Variants in ASIC2 observed in about 807,000 individuals in gnomAD.
ASIC2 encodes the protein acid-sensing ion channel 2.
A neutral mutation model predicts 57.3 loss-of-function variants in ASIC2; 25 were observed. The ratio of observed to expected loss-of-function variants is 0.44; its 90% CI spans 0.32 to 0.61. The LOEUF (loss-of-function observed/expected upper bound fraction) is 0.61. Among genes scored for constraint, ASIC2 ranks in the 20% least tolerant of loss-of-function variants. The pLI, the probability that ASIC2 is intolerant of heterozygous loss-of-function variation, is 0.06. For synonymous variants in ASIC2, 319 were observed against 307.5 expected (o/e 1.04, Z -0.39); for missense variants, 641 against 738.1 (o/e 0.87, Z 1.52).
chr17:33,243,738 T>G (rs139042631), intron 1 of ASIC2, among the ~76,000 whole-genome samples: 2 of 152,352 alleles, frequency 1.3e-5, no homozygotes, highest in East Asian at 1.9e-4. Context: ...TAGGGCTTTT[T>G]TTCACTTAAA....
intron 1 of ASIC2, among the ~76,000 whole-genome samples, chr17:33,799,476 TTCCTTCTTTCTTTCTTTCTTA>T (rs1912062161): frequency 6.9e-6 from 1 of 143,924 alleles, no homozygotes; most frequent in African/African-American, 2.6e-5. Context: ...CTTTCTTTCT[TTCCTTCTTTCTTTCTTTCTTA>T]CTTTCTTTCT....
chr17:33,566,314 T>C (rs991908955), intron 1 of ASIC2, among the ~76,000 whole-genome samples: 1 of 152,200 alleles, frequency 6.6e-6, no homozygotes, highest in African/African-American at 2.4e-5. Flanking sequence ...GTAGATCCTT[T>C]TATTTTTCCT....
At chr17:34,106,265 T>C (rs1911050114) in intron 1 of ASIC2, among the ~76,000 whole-genome samples, 1 of 152,182 alleles carries the variant, frequency 6.6e-6, no homozygotes, top group South Asian at 2.1e-4. Flanking sequence ...TTGTTCAAGG[T>C]GTTGCCAATT....
intron 1 of ASIC2, among the ~76,000 whole-genome samples, chr17:33,732,500 ATTC>A (rs1237015091): frequency 1.4e-5 from 2 of 140,180 alleles, no homozygotes; most frequent in Non-Finnish European, 3.0e-5. Flanking sequence ...CGCTAAGGAA[ATTC>A]TTTTTTTTTT....
At chr17:33,962,914 G>C (rs1448099827) in intron 1 of ASIC2, among the ~76,000 whole-genome samples, 1 of 152,094 alleles carries the variant, frequency 6.6e-6, no homozygotes, top group Admixed American at 6.6e-5. Context: ...AACAACTACA[G>C]ATTCTGCATC....
At chr17:33,249,855 T>C (rs1908820845) in intron 1 of ASIC2, among the ~76,000 whole-genome samples, 2 of 152,202 alleles carry the variant, frequency 1.3e-5, no homozygotes, top group South Asian at 4.1e-4. Flanking sequence ...TCAGGATTCA[T>C]GTGCCATAGG....
chr17:33,358,264 A>G (rs1019973999), intron 1 of ASIC2, among the ~76,000 whole-genome samples: 2 of 152,230 alleles, frequency 1.3e-5, no homozygotes, highest in Non-Finnish European at 2.9e-5. Flanking sequence ...CGGCAGAAGA[A>G]TAGTTGAGTC....
At chr17:33,854,839 T>C (rs16968962) in intron 1 of ASIC2, among the ~76,000 whole-genome samples, 2 of 152,026 alleles carry the variant, frequency 1.3e-5, no homozygotes, top group Non-Finnish European at 2.9e-5. Context: ...TCCTTCCCTG[T>C]GGGTGGTGTG....
chr17:33,898,581 C>A (rs751480056), intron 1 of ASIC2, among the ~76,000 whole-genome samples: 4 of 152,186 alleles, frequency 2.6e-5, no homozygotes, highest in South Asian at 2.1e-4. Context: ...TAATCAAAAC[C>A]GGGAAATTAA....
chr17:33,624,887 A>G (rs933291228), intron 1 of ASIC2, among the ~76,000 whole-genome samples: 1 of 152,200 alleles, frequency 6.6e-6, no homozygotes, highest in African/African-American at 2.4e-5. Context: ...AACATTCTAT[A>G]TGTCAAGAAC....
intron 1 of ASIC2, among the ~76,000 whole-genome samples, chr17:33,147,861 T>C (rs1365586582): frequency 1.3e-5 from 2 of 152,260 alleles, no homozygotes; most frequent in Non-Finnish European, 1.5e-5. Context: ...CCTCTCCAAG[T>C]TGGAGCTGCG....
At chr17:33,800,458 A>G (rs943137673) in intron 1 of ASIC2, among the ~76,000 whole-genome samples, 1 of 152,160 alleles carries the variant, frequency 6.6e-6, no homozygotes, top group African/African-American at 2.4e-5. Flanking sequence ...CAAAGAACAG[A>G]CACTGATACC....
chr17:33,467,783 C>T (rs1461923796), intron 1 of ASIC2, among the ~76,000 whole-genome samples: 1 of 152,174 alleles, frequency 6.6e-6, no homozygotes, highest in Admixed American at 6.5e-5. Context: ...CCAACTGTCC[C>T]ACATTTCCAG....
intron 1 of ASIC2, among the ~76,000 whole-genome samples, chr17:33,812,773 A>T (rs1168064530): frequency 2.0e-5 from 3 of 152,194 alleles, no homozygotes; most frequent in East Asian, 3.9e-4. Context: ...CCCACATTAG[A>T]CCTAGGACAG....
chr17:33,973,443 C>T (rs1220614769), intron 1 of ASIC2, among the ~76,000 whole-genome samples: 2 of 152,202 alleles, frequency 1.3e-5, no homozygotes, highest in East Asian at 3.9e-4. Flanking sequence ...CCAAACCATG[C>T]TTCCTCCTGT....
chr17:33,803,287 T>A (rs1406823885), intron 1 of ASIC2, among the ~76,000 whole-genome samples: 3 of 152,126 alleles, frequency 2.0e-5, no homozygotes. Flanking sequence ...CTTCTATAAA[T>A]TTCTAACTTT....
chr17:33,059,683 G>A (rs1481582256), intron 3 of ASIC2, among the ~76,000 whole-genome samples: 1 of 152,192 alleles, frequency 6.6e-6, no homozygotes, highest in Non-Finnish European at 1.5e-5. Flanking sequence ...CCAGTAATGG[G>A]ATGGCTGGGT....
intron 1 of ASIC2, among the ~76,000 whole-genome samples, chr17:33,885,588 T>C (rs763478651): frequency 2.0e-5 from 3 of 152,224 alleles, no homozygotes; most frequent in Admixed American, 1.3e-4. Context: ...AAGTTATGTG[T>C]CTTGCTTGAG....
intron 1 of ASIC2, among the ~76,000 whole-genome samples, chr17:33,280,726 C>T (rs1232074908): frequency 1.3e-5 from 2 of 152,230 alleles, no homozygotes; most frequent in Admixed American, 6.5e-5. Flanking sequence ...ATGCGTCTCA[C>T]TCCAGAGCCT....
Sources: gnomAD v4.1 joint callset for allele counts (sites outside exome capture counted in the v4.1 genomes callset) on GRCh38, gnomAD v4.1.1 for gene constraint, MANE v1.5 for transcripts, NCBI Gene and HGNC (gene_info 2026-07-23, HGNC 2026-07-21) for gene names.